MAD1L1: variants seen among roughly 807,000 people sequenced by gnomAD.
MAD1L1 encodes the protein mitotic spindle assembly checkpoint protein MAD1.
MAD1L1 carries 95 observed loss-of-function variants against 96.9 expected under a neutral mutation model. That is an observed-to-expected ratio of 0.98 (90% CI 0.83 to 1.16). MAD1L1 has a LOEUF of 1.16. MAD1L1 is among the 50% of genes most tolerant of loss of function. The pLI is 0.00. For synonymous variants in MAD1L1, 473 were observed against 396.6 expected (o/e 1.19, Z -2.29); for missense variants, 1,007 against 954.4 (o/e 1.06, Z -0.73).
intron 12 of MAD1L1, among the ~76,000 whole-genome samples, chr7:2,061,956 G>A (rs1784678482): frequency 2.0e-5 from 3 of 152,146 alleles, no homozygotes; most frequent in Admixed American, 1.3e-4. Flanking sequence ...AAACAGGGAA[G>A]TGGGCCAGGC....
At position 1,938,840 on chromosome 7, in the gene MAD1L1, GCACACACA is replaced by G. The variant is rs72439038; in HGVS notation, c.1597-1951_1597-1944del. Among the ~76,000 whole-genome samples the G allele has an allele frequency of 1.9e-4, 17 of 91,010 alleles. 1 individual carries two copies. Among genetic ancestry groups the G allele is most frequent in the African/African-American group, 5.8e-4 (12 of 20,610 alleles). The allele number at this position is 91,010 out of a possible 152,430, so 59.7% of individuals were successfully genotyped here. ...ACACGGGCCAGGGCCGGGGCCAGAG[GCACACACA>G]CACACACACACACACACACACACGG... is the stretch of plus-strand genomic sequence containing the variant. On this transcript the variant is annotated intron_variant, in intron 16 of 18. Transcript: ENST00000265854.
chr7:2,040,225 C>A (rs1176816430), intron 12 of MAD1L1, among the ~76,000 whole-genome samples: 1 of 152,216 alleles, frequency 6.6e-6, no homozygotes, highest in African/African-American at 2.4e-5. Context: ...CACAGACAAC[C>A]TGAGTAGACC....
intron 18 of MAD1L1, chr7:1,849,947 G>C (rs1431669933): frequency 6.6e-6 from 1 of 152,230 alleles, no homozygotes; most frequent in Non-Finnish European, 1.5e-5. Flanking sequence ...TTGCCTCCAA[G>C]ATGAATGACA....
chr7:1,880,651 G>A (rs1175515950), intron 18 of MAD1L1, among the ~76,000 whole-genome samples: 1 of 152,222 alleles, frequency 6.6e-6, no homozygotes, highest in East Asian at 1.9e-4. Context: ...CCAGAAGGAT[G>A]CTCACATACA....
intron 17 of MAD1L1, among the ~76,000 whole-genome samples, chr7:1,909,610 G>A (rs1787886309): frequency 6.6e-6 from 1 of 152,136 alleles, no homozygotes; most frequent in Admixed American, 6.5e-5. Flanking sequence ...ATGCCCCACA[G>A]CGCCCCACCT....
intron 4 of MAD1L1, among the ~76,000 whole-genome samples, chr7:2,223,801 C>A (rs1339479471): frequency 6.6e-6 from 1 of 152,202 alleles, no homozygotes; most frequent in Non-Finnish European, 1.5e-5. Context: ...CCAGCGCAGA[C>A]AGGGCAGCCA....
At chr7:1,940,950 C>G (rs1245773016) in intron 16 of MAD1L1, among the ~76,000 whole-genome samples, 2 of 151,482 alleles carry the variant, frequency 1.3e-5, no homozygotes, top group African/African-American at 4.9e-5. Flanking sequence ...CCTCACCCTC[C>G]TCTTCCTCCC....
chr7:2,196,194 G>A (rs970113483), intron 10 of MAD1L1, among the ~76,000 whole-genome samples: 2 of 152,238 alleles, frequency 1.3e-5, no homozygotes, highest in African/African-American at 2.4e-5. Flanking sequence ...GAGGAAGAAC[G>A]AATGAGACGC....
chr7:2,155,473 G>T (rs1003565074), intron 10 of MAD1L1, among the ~76,000 whole-genome samples: 1 of 152,134 alleles, frequency 6.6e-6, no homozygotes, highest in Non-Finnish European at 1.5e-5. Flanking sequence ...AACTCCCACA[G>T]CCCCTCTGCT....
At chr7:1,851,787 A>G (rs1448536148) in intron 18 of MAD1L1, among the ~76,000 whole-genome samples, 1 of 152,172 alleles carries the variant, frequency 6.6e-6, no homozygotes, top group Non-Finnish European at 1.5e-5. Flanking sequence ...GCAGGCGCAG[A>G]AGGGCCTAAC....
At chr7:1,860,453 T>C (rs1258155994) in intron 18 of MAD1L1, among the ~76,000 whole-genome samples, 1 of 151,626 alleles carries the variant, frequency 6.6e-6, no homozygotes, top group African/African-American at 2.4e-5. Context: ...AGAGGTGACA[T>C]CCTGCAGGGC....
intron 18 of MAD1L1, among the ~76,000 whole-genome samples, chr7:1,829,076 A>G (rs1782573281): frequency 6.6e-6 from 1 of 152,256 alleles, no homozygotes; most frequent in Admixed American, 6.5e-5. Flanking sequence ...ACGGAAAGAC[A>G]GACATAAAGG....
intron 10 of MAD1L1, among the ~76,000 whole-genome samples, chr7:2,172,757 T>G (rs1032871080): frequency 6.6e-6 from 1 of 152,238 alleles, no homozygotes; most frequent in African/African-American, 2.4e-5. Context: ...AGAACCCACG[T>G]GGCTGGCCGC....
intron 16 of MAD1L1, among the ~76,000 whole-genome samples, chr7:1,944,799 G>A (rs146076706): frequency 2.1e-4 from 32 of 152,330 alleles, no homozygotes; most frequent in African/African-American, 7.5e-4. Flanking sequence ...AGGACCAGGT[G>A]ACGTCAGGGT....
chr7:2,186,860 C>T (rs1791485090), intron 10 of MAD1L1, among the ~76,000 whole-genome samples: 1 of 151,456 alleles, frequency 6.6e-6, no homozygotes, highest in Non-Finnish European at 1.5e-5. Flanking sequence ...GTGGCACAAT[C>T]TCAGCTCACT....
At chr7:2,046,840 C>A (rs1427256344) in intron 12 of MAD1L1, among the ~76,000 whole-genome samples, 2 of 152,192 alleles carry the variant, frequency 1.3e-5, no homozygotes, top group African/African-American at 4.8e-5. Flanking sequence ...AGCCTCAGGT[C>A]TAAGGAGGAG....
chr7:2,167,936 C>G (rs952744387), intron 10 of MAD1L1, among the ~76,000 whole-genome samples: 1 of 152,084 alleles, frequency 6.6e-6, no homozygotes, highest in Non-Finnish European at 1.5e-5. Flanking sequence ...CCCACCGCAC[C>G]TATCTTACCT....
chr7:1,889,517 G>C lies in MAD1L1; in HGVS notation c.1998+8683C>G, dbSNP rs567104553. Among the ~76,000 whole-genome samples the C allele has an allele frequency of 1.9e-3, 285 of 152,344 alleles. 1 individual carries two copies. The highest frequency in any genetic ancestry group is 3.8e-3 in the Non-Finnish European group (260 of 68,034). On this transcript the variant is annotated intron_variant, in intron 18 of 18. Coordinates refer to ENST00000265854, the MANE Select transcript of MAD1L1 (RefSeq NM_001013836.2). ...GCTGCACATCCTGAGGCTTGTCGGG[G>C]CCAGGCCTGCACCGGTGGTTCTGAA... is the stretch of plus-strand genomic sequence containing the variant.
At chr7:2,195,002 C>T (rs1283788180) in intron 10 of MAD1L1, among the ~76,000 whole-genome samples, 1 of 151,884 alleles carries the variant, frequency 6.6e-6, no homozygotes, top group African/African-American at 2.4e-5. Flanking sequence ...GCAGGAGAAT[C>T]GCTTGAACCT....
Sources: allele counts gnomAD v4.1 joint callset (sites outside exome capture counted in the v4.1 genomes callset), GRCh38; gene constraint gnomAD v4.1.1; transcripts MANE v1.5; gene names NCBI Gene and HGNC (gene_info 2026-07-23, HGNC 2026-07-21).